NFATC1: variants seen among roughly 807,000 people sequenced by gnomAD.
The protein encoded by NFATC1 is nuclear factor of activated T-cells, cytoplasmic 1.
NFATC1 carries 22 observed loss-of-function variants against 76.0 expected under a neutral mutation model. The ratio of observed to expected loss-of-function variants is 0.29; its 90% CI spans 0.21 to 0.41. The LOEUF is 0.41. Among genes scored for constraint, NFATC1 ranks in the 10% least tolerant of loss-of-function variants. The probability of loss-of-function intolerance (pLI) is 1.00; values close to 1 mark genes in which losing one functional copy is unlikely to be tolerated. For synonymous variants in NFATC1, 704 were observed against 613.1 expected (o/e 1.15, Z -2.19); for missense variants, 1,357 against 1,337.7 (o/e 1.01, Z -0.23).
At chr18:79,454,656 C>T (rs186438303) in intron 6 of NFATC1, among the ~76,000 whole-genome samples, 25 of 152,332 alleles carry the variant, frequency 1.6e-4, no homozygotes, top group African/African-American at 5.1e-4. Context: ...CGGAGTCAGC[C>T]TTTCTCTGAG....
intron 6 of NFATC1, among the ~76,000 whole-genome samples, chr18:79,457,960 G>C (rs1456771547): frequency 2.0e-5 from 3 of 152,214 alleles, no homozygotes; most frequent in Non-Finnish European, 4.4e-5. Context: ...AGCCCACCGT[G>C]TGGCTGCCCA....
chr18:79,423,278 C>T (rs565272749), intron 2 of NFATC1, among the ~76,000 whole-genome samples: 67 of 152,334 alleles, frequency 4.4e-4, no homozygotes, highest in Admixed American at 5.9e-4. Context: ...GCCCAGATCC[C>T]GCGCGCTCCC....
intron 3 of NFATC1, among the ~76,000 whole-genome samples, chr18:79,443,455 T>C (rs1014934472): frequency 9.9e-5 from 15 of 152,200 alleles, no homozygotes; most frequent in African/African-American, 3.1e-4. Context: ...TGCAGGAAAC[T>C]GCATGGACAC....
At chr18:79,512,419 C>T (rs1444105455) in intron 9 of NFATC1, among the ~76,000 whole-genome samples, 4 of 152,136 alleles carry the variant, frequency 2.6e-5, no homozygotes, top group African/African-American at 7.2e-5. Flanking sequence ...CCACACACCC[C>T]GAACTTTTGC....
intron 6 of NFATC1, among the ~76,000 whole-genome samples, chr18:79,455,742 C>T (rs2087678925): frequency 6.9e-6 from 1 of 145,752 alleles, no homozygotes. Context: ...GCTCGCCCCC[C>T]ATCTCACGGC....
At chr18:79,438,460 A>G (rs1600713348) in intron 3 of NFATC1, among the ~76,000 whole-genome samples, 1 of 148,174 alleles carries the variant, frequency 6.7e-6, no homozygotes, top group South Asian at 2.1e-4. Flanking sequence ...CCTCTGACCC[A>G]GGGGTCAAAT....
At chr18:79,456,871 A>C (rs9783929) in intron 6 of NFATC1, among the ~76,000 whole-genome samples, 36,054 of 152,150 alleles carry the variant, frequency 0.24, 5,259 homozygotes, top group African/African-American at 0.4. Context: ...GGGAATTCCC[A>C]GCTCCAGCGT....
At chr18:79,457,491 G>A (rs2087799485) in intron 6 of NFATC1, among the ~76,000 whole-genome samples, 1 of 152,174 alleles carries the variant, frequency 6.6e-6, no homozygotes, top group Non-Finnish European at 1.5e-5. Flanking sequence ...CCCTTCTCAG[G>A]CCTTTTGGGA....
intron 3 of NFATC1, among the ~76,000 whole-genome samples, chr18:79,444,090 C>T (rs2087094151): frequency 2.0e-5 from 3 of 152,176 alleles, no homozygotes; most frequent in African/African-American, 7.2e-5. Flanking sequence ...CAACTGTGGC[C>T]AAACAGGTAG....
At chr18:79,522,424 C>T (rs1176130542) in intron 9 of NFATC1, among the ~76,000 whole-genome samples, 1 of 86,988 alleles carries the variant, frequency 1.1e-5, no homozygotes, top group Non-Finnish European at 2.0e-5. Flanking sequence ...GGGACGTCTG[C>T]TGGTGTGTGT....
At chr18:79,457,736 G>A (rs932744021) in intron 6 of NFATC1, among the ~76,000 whole-genome samples, 2 of 152,060 alleles carry the variant, frequency 1.3e-5, no homozygotes, top group African/African-American at 2.4e-5. Context: ...CCCCGGCTCC[G>A]ACAACCCCAA....
intron 3 of NFATC1, among the ~76,000 whole-genome samples, chr18:79,446,138 A>G (rs571638218): frequency 6.6e-6 from 1 of 152,366 alleles, no homozygotes; most frequent in African/African-American, 2.4e-5. Flanking sequence ...AAGCCCATGC[A>G]GTGGGGCCCG....
In NFATC1 at chr18:79,486,950, A is replaced by G. The variant is rs1415865807; in HGVS notation, c.2782+13A>G. 25 of 1,581,146 alleles carry G rather than the reference A, an allele frequency of 1.6e-5. No individual in the cohort carries two copies. The highest frequency in any genetic ancestry group is 5.2e-5 in the Admixed American group (3 of 58,208). ...TACCTGGATGACGGTGAGTGCCCGC[A>G]GCCATGCAGGTGTGTGCCCCGCCTG... On this transcript the variant is annotated intron_variant, in intron 9 of 9. Transcript: ENST00000427363.
At chr18:79,476,208 G>A (rs868017014) in intron 8 of NFATC1, among the ~76,000 whole-genome samples, 12 of 152,220 alleles carry the variant, frequency 7.9e-5, no homozygotes, top group South Asian at 6.2e-4. Flanking sequence ...CGCCAGCCGC[G>A]CGCCTGGGAG....
chr18:79,508,235 C>T (rs888907334), intron 9 of NFATC1, among the ~76,000 whole-genome samples: 2 of 145,002 alleles, frequency 1.4e-5, no homozygotes, highest in Admixed American at 7.1e-5. Flanking sequence ...GAGGGAGGGA[C>T]GGACGGACGG....
chr18:79,520,649 G>A (rs544397546), intron 9 of NFATC1, among the ~76,000 whole-genome samples: 3 of 45,326 alleles, frequency 6.6e-5, no homozygotes, highest in East Asian at 9.5e-4. Flanking sequence ...TCTGTGTGTC[G>A]GGGGGGGCAT....
chr18:79,460,907 C>T (rs113316506), intron 6 of NFATC1, among the ~76,000 whole-genome samples: 1 of 152,216 alleles, frequency 6.6e-6, no homozygotes, highest in South Asian at 2.1e-4. Context: ...CCTGCTCCCC[C>T]TCACACCTGC....
In NFATC1 at chr18:79,486,545, C is replaced by A. The variant is rs751037486; in HGVS notation, c.2390C>A (p.Ala797Asp). Residue 797 changes from alanine to aspartate, a missense_variant, in exon 9 of 10, where the codon GCC becomes GAC. By Grantham distance (126) the Ala-to-Asp change is moderately radical. Coordinates refer to ENST00000427363, the MANE Select transcript of NFATC1 (RefSeq NM_001278669.2). ...GGACTCCCGCAGCCGGCCGGAGAGG[C>A]CCCCGCCGTCCAGGACGTGCCCAGG... Reference protein sequence around the residue: ...HLGLPQPAGEAPAVQDVPRPV... With the variant: ...HLGLPQPAGEDPAVQDVPRPV... 8.1e-6 allele frequency: 13 copies of A among 1,595,596 alleles called. No individual in the cohort carries two copies. Among genetic ancestry groups the A allele is most frequent in the Non-Finnish European group, 1.1e-5 (13 of 1,176,424 alleles).
At chr18:79,422,057 C>G (rs1005293072) in intron 2 of NFATC1, 4 of 152,280 alleles carry the variant, frequency 2.6e-5, no homozygotes, top group South Asian at 2.1e-4. Context: ...AAGTATTACC[C>G]GTGAATCACC....
Sources: allele counts gnomAD v4.1 joint callset (sites outside exome capture counted in the v4.1 genomes callset), GRCh38; gene constraint gnomAD v4.1.1; transcripts MANE v1.5; gene names NCBI Gene and HGNC (gene_info 2026-07-23, HGNC 2026-07-21).